Variants in DGKI observed in about 807,000 individuals in gnomAD.
DGKI encodes the protein diacylglycerol kinase iota.
In DGKI, 55 loss-of-function variants were observed where a neutral mutation model predicts 147.5. That is an observed-to-expected ratio of 0.37 (90% CI 0.30 to 0.47). The LOEUF is 0.47. Ranked by LOEUF, DGKI falls within the 20% of genes least tolerant of loss-of-function variation. The probability of loss-of-function intolerance (pLI) is 1.00; values close to 1 mark genes in which losing one functional copy is unlikely to be tolerated. For missense variants in DGKI, 1,007 were observed against 1,323.8 expected (o/e 0.76, Z 3.71); for synonymous variants, 469 against 477.1 (o/e 0.98, Z 0.22).
chr7:137,523,551 T>C (rs1440889825), intron 20 of DGKI, among the ~76,000 whole-genome samples: 1 of 152,018 alleles, frequency 6.6e-6, no homozygotes, highest in African/African-American at 2.4e-5. Flanking sequence ...CAGGTAAAAA[T>C]GTCTGAGGTT....
intron 3 of DGKI, among the ~76,000 whole-genome samples, chr7:137,667,397 G>A (rs1412049333): frequency 6.6e-6 from 1 of 152,012 alleles, no homozygotes; most frequent in Non-Finnish European, 1.5e-5. Flanking sequence ...ATGTCTTGGT[G>A]GCTTTCTCTA....
intron 1 of DGKI, among the ~76,000 whole-genome samples, chr7:137,845,849 G>A (rs79267386): frequency 0.04 from 6,101 of 152,148 alleles, 440 homozygotes; most frequent in African/African-American, 0.14. Context: ...CAGGCATGGA[G>A]CCCCCATAAC....
At chr7:137,420,561 A>G (rs947534255) in intron 28 of DGKI, among the ~76,000 whole-genome samples, 2 of 152,042 alleles carry the variant, frequency 1.3e-5, no homozygotes, top group African/African-American at 4.8e-5. Flanking sequence ...TGTCATGAGT[A>G]TCTTGGCCTA....
chr7:137,427,342 A>T (rs1345319343), intron 28 of DGKI, among the ~76,000 whole-genome samples: 2 of 152,196 alleles, frequency 1.3e-5, no homozygotes, highest in African/African-American at 2.4e-5. Context: ...AAGATGTTCT[A>T]TGAAAGCAAC....
chr7:137,525,892 G>T (rs551852426), intron 20 of DGKI, among the ~76,000 whole-genome samples: 1 of 151,960 alleles, frequency 6.6e-6, no homozygotes, highest in South Asian at 2.1e-4. Context: ...GCTACCTCTG[G>T]GGGGAGATTG....
intron 1 of DGKI, among the ~76,000 whole-genome samples, chr7:137,780,492 C>A (rs1214327596): frequency 6.6e-6 from 1 of 152,068 alleles, no homozygotes; most frequent in Non-Finnish European, 1.5e-5. Context: ...CTAAGGGCAC[C>A]CTGGAAAAGG....
intron 20 of DGKI, among the ~76,000 whole-genome samples, chr7:137,550,079 G>A (rs998497279): frequency 5.9e-5 from 9 of 151,870 alleles, no homozygotes; most frequent in Non-Finnish European, 1.0e-4. Flanking sequence ...AAGTCTTTCA[G>A]AGGGCATGGG....
rs1273369529 is a variant in DGKI, at chr7:137,414,035, A to ATATT, written c.2762-1832_2762-1829dup. On this transcript the variant is annotated intron_variant, in intron 28 of 32. Transcript: ENST00000614521. ...TAATTTAAATGTATTTTGCAAAGTGATATTTTATTCCTATTTGAGTAGTCT... is the reference window on the plus strand; with the variant it reads ...TAATTTAAATGTATTTTGCAAAGTGATATTTATTTTATTCCTATTTGAGTAGTCT... Among the ~76,000 whole-genome samples the ATATT allele has an allele frequency of 1.2e-4, 18 of 152,322 alleles. No individual in the cohort carries two copies. The South Asian group carries it at 3.7e-3, about 32-fold the overall frequency.
rs190625578 is a variant in DGKI at position 137,624,298 on chromosome 7, A to C, written c.805-744T>G. 5.6e-4 allele frequency among the ~76,000 whole-genome samples: 85 copies of C among 152,330 alleles called. 1 individual carries two copies. Among genetic ancestry groups the C allele is most frequent in the Admixed American group, 3.7e-3 (57 of 15,292 alleles). ...AATTTTTTTAGCCTTCCCAAAGCTCATCCATTTCCCTCTGCCTGTGAAATC... is the reference window on the plus strand; with the variant it reads ...AATTTTTTTAGCCTTCCCAAAGCTCCTCCATTTCCCTCTGCCTGTGAAATC... On this transcript the variant is annotated intron_variant, in intron 6 of 32. Coordinates refer to ENST00000614521, the MANE Select transcript of DGKI (RefSeq NM_001321708.2).
Position 137,561,514 on chromosome 7 carries a change from G to A in DGKI, c.1948-8946C>T, listed in dbSNP as rs140673629. Among the ~76,000 whole-genome samples the A allele has an allele frequency of 7.0e-3, 1,069 of 152,272 alleles. 6 individuals carry two copies. The highest frequency in any genetic ancestry group is 0.01 in the Non-Finnish European group (685 of 68,012). ...ATTTTAGTGTTCTATACCACTGTAG[G>A]ATGACTATAGTTGACAGTAATATCT... On this transcript the variant is annotated intron_variant, in intron 19 of 32. Transcript: ENST00000614521.
At chr7:137,517,339 G>GAGAA (rs1173516756) in intron 21 of DGKI, among the ~76,000 whole-genome samples, 5 of 98,024 alleles carry the variant, frequency 5.1e-5, no homozygotes, top group Non-Finnish European at 8.6e-5. Flanking sequence ...AAGAAAGAAA[G>GAGAA]AGAAAGAAAG....
At chr7:137,618,365 T>C (rs1442098535) in intron 8 of DGKI, among the ~76,000 whole-genome samples, 4 of 150,932 alleles carry the variant, frequency 2.7e-5, no homozygotes, top group Non-Finnish European at 5.9e-5. Context: ...ACAGTACTCA[T>C]GCCTGTGTGC....
chr7:137,667,475 C>T (rs139352403), intron 3 of DGKI, among the ~76,000 whole-genome samples: 1 of 152,244 alleles, frequency 6.6e-6, no homozygotes, highest in Non-Finnish European at 1.5e-5. Context: ...AAATCCCAAA[C>T]ACTTTGCCTT....
intron 8 of DGKI, among the ~76,000 whole-genome samples, chr7:137,611,088 T>C (rs953106664): frequency 2.0e-4 from 30 of 152,218 alleles, no homozygotes; most frequent in African/African-American, 7.2e-4. Flanking sequence ...TAAATGGGTC[T>C]TTTATCATGT....
chr7:137,535,503 C>A (rs1294727667), intron 20 of DGKI, among the ~76,000 whole-genome samples: 1 of 151,954 alleles, frequency 6.6e-6, no homozygotes, highest in Non-Finnish European at 1.5e-5. Context: ...ATACCTGGCA[C>A]ATGTACTACC....
At chr7:137,825,493 A>G (rs1411116529) in intron 1 of DGKI, among the ~76,000 whole-genome samples, 1 of 152,184 alleles carries the variant, frequency 6.6e-6, no homozygotes, top group African/African-American at 2.4e-5. Context: ...GATGGGAAAT[A>G]GGTATCATTA....
intron 21 of DGKI, among the ~76,000 whole-genome samples, chr7:137,513,192 C>T (rs55812334): frequency 2.0e-5 from 3 of 152,118 alleles, no homozygotes; most frequent in African/African-American, 7.2e-5. Context: ...TCTGTTTCTC[C>T]CTAGCACCAA....
intron 27 of DGKI, among the ~76,000 whole-genome samples, chr7:137,448,559 G>C (rs569798929): frequency 8.1e-6 from 1 of 123,614 alleles, no homozygotes; most frequent in Non-Finnish European, 1.7e-5. Context: ...GGGAAGAAGG[G>C]AGGGAGAGAA....
intron 2 of DGKI, among the ~76,000 whole-genome samples, chr7:137,681,966 C>A (rs991369803): frequency 6.6e-6 from 1 of 152,238 alleles, no homozygotes; most frequent in Non-Finnish European, 1.5e-5. Context: ...CATCAAGGTT[C>A]GAATGAGCTT....
Sources: gnomAD v4.1 joint callset for allele counts (sites outside exome capture counted in the v4.1 genomes callset) on GRCh38, gnomAD v4.1.1 for gene constraint, MANE v1.5 for transcripts, NCBI Gene and HGNC (gene_info 2026-07-23, HGNC 2026-07-21) for gene names.